KLF7: variants seen among roughly 807,000 people sequenced by gnomAD.
The protein encoded by KLF7 is Krueppel-like factor 7.
In KLF7, 2 loss-of-function variants were observed where a neutral mutation model predicts 27.3. That is an observed-to-expected ratio of 0.07 (90% CI 0.03 to 0.23). KLF7 has a LOEUF of 0.23. KLF7 is among the 10% of genes least tolerant of loss of function. The pLI is 1.00. For synonymous variants in KLF7, 165 were observed against 162.4 expected (o/e 1.02, Z -0.12); for missense variants, 221 against 394.1 (o/e 0.56, Z 3.72).
At chr2:207,139,277 A>G (rs1225810079) in intron 1 of KLF7, among the ~76,000 whole-genome samples, 1 of 152,192 alleles carries the variant, frequency 6.6e-6, no homozygotes, top group South Asian at 2.1e-4. Context: ...CTTTTGGGAA[A>G]AGCATCTGAA....
rs372166881 is a variant in KLF7, at chr2:207,149,314, A to G, written c.102+16153T>C. ...TAGACTAGCCATACATTTTTCTAGC[A>G]CTTATCACTGCTGAGGTTCAGCAGG... On this transcript the variant is annotated intron_variant, in intron 1 of 3. Coordinates refer to ENST00000309446, the MANE Select transcript of KLF7 (RefSeq NM_003709.4). The G allele has an allele frequency of 2.5e-5, 10 of 402,200 alleles. No homozygotes were observed. In the East Asian group the frequency reaches 7.9e-4, roughly 32 times the overall value. The allele number at this position is 402,200 out of a possible 1,614,324, so 24.9% of individuals were successfully genotyped here.
At chr2:207,107,901 G>A (rs1488094787) in intron 2 of KLF7, among the ~76,000 whole-genome samples, 2 of 152,214 alleles carry the variant, frequency 1.3e-5, no homozygotes, top group African/African-American at 2.4e-5. Context: ...ACCTATGTTT[G>A]CACAACGTGA....
At chr2:207,150,036 C>G (rs1482840644) in intron 1 of KLF7, among the ~76,000 whole-genome samples, 1 of 152,158 alleles carries the variant, frequency 6.6e-6, no homozygotes, top group African/African-American at 2.4e-5. Flanking sequence ...CAAATAGTCC[C>G]CAGAATTCTC....
At chr2:207,109,748 G>A (rs1219701547) in intron 2 of KLF7, among the ~76,000 whole-genome samples, 1 of 152,166 alleles carries the variant, frequency 6.6e-6, no homozygotes, top group African/African-American at 2.4e-5. Context: ...GCTCTGGGAA[G>A]CTGACTAAGT....
intron 2 of KLF7, among the ~76,000 whole-genome samples, chr2:207,115,878 G>A (rs1294147484): frequency 1.3e-5 from 2 of 152,206 alleles, no homozygotes; most frequent in African/African-American, 4.8e-5. Flanking sequence ...ACAGTCTACA[G>A]TGTACCAACC....
intron 1 of KLF7, among the ~76,000 whole-genome samples, chr2:207,136,511 T>A (rs912695414): frequency 1.1e-4 from 16 of 152,234 alleles, no homozygotes; most frequent in Non-Finnish European, 1.5e-4. Flanking sequence ...TTCTTTGACC[T>A]GCCTAGAGAA....
At chr2:207,131,957 C>T (rs1251552301) in intron 1 of KLF7, among the ~76,000 whole-genome samples, 1 of 152,316 alleles carries the variant, frequency 6.6e-6, no homozygotes, top group Middle Eastern at 3.4e-3. Context: ...GACGGTAACA[C>T]TGAATCTACC....
intron 2 of KLF7, among the ~76,000 whole-genome samples, chr2:207,111,304 T>C (rs1022741011): frequency 2.0e-5 from 3 of 152,144 alleles, no homozygotes; most frequent in Admixed American, 6.5e-5. Flanking sequence ...TTCTTAAAAG[T>C]TCAGGGAAGG....
chr2:207,096,774 C>T (rs1422201870), intron 2 of KLF7, among the ~76,000 whole-genome samples: 1 of 152,220 alleles, frequency 6.6e-6, no homozygotes, highest in Non-Finnish European at 1.5e-5. Context: ...GTGGCTAGCA[C>T]AAACGTTATA....
Position 207,075,814 on chromosome 2 carries a change from A to T in KLF7, c.*5399T>A, listed in dbSNP as rs1383081240. The T allele has an allele frequency of 6.6e-6, 1 of 152,120 alleles. No individual in the cohort carries two copies. Among genetic ancestry groups the T allele is most frequent in the East Asian group, 1.9e-4 (1 of 5,190 alleles). The allele number at this position is 152,120 out of a possible 1,614,324, so 9.4% of individuals were successfully genotyped here. On this transcript the variant is annotated 3_prime_UTR_variant, in exon 4 of 4. Coordinates refer to ENST00000309446, the MANE Select transcript of KLF7 (RefSeq NM_003709.4). Reference sequence around the variant, plus strand: ...CTGGAATGAAGCAGAAGTGAAAGATAAGGAAATTAAACTAAGTCTGGGTTT... The same window carrying T: ...CTGGAATGAAGCAGAAGTGAAAGATTAGGAAATTAAACTAAGTCTGGGTTT...
In KLF7 at chr2:207,162,429, C is replaced by T. The variant is rs2078576355; in HGVS notation, c.102+3038G>A. ...CACAGTGTAATTTACAGTTATATGACAGGCAGAAAGATGATGTTACTTGGG... is the reference window on the plus strand; with the variant it reads ...CACAGTGTAATTTACAGTTATATGATAGGCAGAAAGATGATGTTACTTGGG... On this transcript the variant is annotated intron_variant, in intron 1 of 3. Transcript: ENST00000309446. 3.3e-5 allele frequency among the ~76,000 whole-genome samples: 5 copies of T among 152,170 alleles called. No homozygotes were observed. The South Asian group carries it at 8.3e-4, about 25-fold the overall frequency.
chr2:207,172,668 T>A, the KLF7 span, among the ~76,000 whole-genome samples: 3 of 152,208 alleles, frequency 2.0e-5, no homozygotes, highest in East Asian at 3.9e-4. Context: ...TCCCCAAGGG[T>A]CTCTATTAGT....
intron 1 of KLF7, among the ~76,000 whole-genome samples, chr2:207,144,162 G>GGC (rs1242098351): frequency 6.2e-5 from 6 of 96,586 alleles, no homozygotes; most frequent in African/African-American, 2.5e-4. Context: ...GTCACAGCGG[G>GGC]GGGGAGAAAA....
At chr2:207,166,921 C>A, upstream of KLF7, 1 of 976,356 alleles carries the variant, frequency 1.0e-6, no homozygotes, top group South Asian at 4.8e-5. Context: ...TGCGCACAGT[C>A]CCCGCCCCGC....
chr2:207,107,869 T>A lies in KLF7; in HGVS notation c.733+15905A>T, dbSNP rs556805439. Among the ~76,000 whole-genome samples the A allele has an allele frequency of 3.5e-4, 53 of 152,328 alleles. 1 individual carries two copies. The highest frequency in any genetic ancestry group is 2.9e-3 in the Admixed American group (45 of 15,304). ...CCTCAAAACTTCAGTGGGTTCGCTG[T>A]CTAAATCACCCAACTAAAAAGACCT... is the stretch of plus-strand genomic sequence containing the variant. On this transcript the variant is annotated intron_variant, in intron 2 of 3. Coordinates refer to ENST00000309446, the MANE Select transcript of KLF7 (RefSeq NM_003709.4).
chr2:207,126,155 T>C (rs2077471192), intron 1 of KLF7, among the ~76,000 whole-genome samples: 2 of 152,226 alleles, frequency 1.3e-5, no homozygotes, highest in South Asian at 4.1e-4. Context: ...CCTCACTTGC[T>C]TCTTTTCTGA....
At chr2:207,166,309 T>A, upstream of KLF7, 1 of 396,544 alleles carries the variant, frequency 2.5e-6, no homozygotes, top group Non-Finnish European at 3.4e-6. Flanking sequence ...CGGATCTCCC[T>A]GCTGCCTTAC....
At position 207,110,710 on chromosome 2, in the gene KLF7, A is replaced by G. The variant is rs141443231; in HGVS notation, c.733+13064T>C. On this transcript the variant is annotated intron_variant, in intron 2 of 3. Transcript: ENST00000309446. The stretch of plus-strand genomic sequence containing the variant: ...GAGGTAGGGAGATTTCTTTCTTACC[A>G]TAAGGGGAAAAGCGGCACATCATCT... Among the ~76,000 whole-genome samples the G allele has an allele frequency of 1.8e-4, 27 of 152,386 alleles. No individual in the cohort carries two copies. In the East Asian group the frequency reaches 5.0e-3, roughly 28 times the overall value.
At chr2:207,127,096 C>T (rs2077499798) in intron 1 of KLF7, among the ~76,000 whole-genome samples, 1 of 152,128 alleles carries the variant, frequency 6.6e-6, no homozygotes, top group Non-Finnish European at 1.5e-5. Context: ...GTAACTTATG[C>T]AGTATGCCCT....
Sources: gnomAD v4.1 joint callset for allele counts (sites outside exome capture counted in the v4.1 genomes callset) on GRCh38, gnomAD v4.1.1 for gene constraint, MANE v1.5 for transcripts, NCBI Gene and HGNC (gene_info 2026-07-23, HGNC 2026-07-21) for gene names.